The following AP2B1 variants were observed in gnomAD, a reference collection of about 807,000 sequenced individuals.
The protein encoded by AP2B1 is AP-2 complex subunit beta.
Under a neutral mutation model 102.0 loss-of-function variants are expected in AP2B1, and 23 were observed. The observed-to-expected ratio is 0.23, with a 90% CI of 0.16 to 0.32. AP2B1 has a LOEUF of 0.32. Among genes scored for constraint, AP2B1 ranks in the 10% least tolerant of loss-of-function variants. The pLI is 1.00. For synonymous variants in AP2B1, 381 were observed against 421.2 expected (o/e 0.90, Z 1.17); for missense variants, 541 against 1,157.4 (o/e 0.47, Z 7.73).
intron 5 of AP2B1, among the ~76,000 whole-genome samples, chr17:35,609,095 T>C (rs2073779701): frequency 6.6e-6 from 1 of 152,228 alleles, no homozygotes; most frequent in Non-Finnish European, 1.5e-5. Context: ...ACCTTTTTGG[T>C]CTAATGCAAT....
chr17:35,649,513 T>C (rs1355538617), intron 12 of AP2B1, among the ~76,000 whole-genome samples: 1 of 152,116 alleles, frequency 6.6e-6, no homozygotes, highest in Non-Finnish European at 1.5e-5. Context: ...CAGGTGATCC[T>C]CCCGCCTCGG....
intron 18 of AP2B1, among the ~76,000 whole-genome samples, chr17:35,687,012 T>C (rs1470342649): frequency 2.6e-5 from 4 of 152,190 alleles, no homozygotes; most frequent in Non-Finnish European, 5.9e-5. Flanking sequence ...GTCCTGAGAC[T>C]TTTCTCCCTA....
intron 17 of AP2B1, among the ~76,000 whole-genome samples, chr17:35,676,315 T>G (rs527488981): frequency 6.6e-6 from 1 of 152,324 alleles, no homozygotes; most frequent in African/African-American, 2.4e-5. Flanking sequence ...TCCTTGTTCT[T>G]TGTAAGTCAG....
chr17:35,658,523 A>T (rs1436550890), intron 14 of AP2B1, among the ~76,000 whole-genome samples: 1 of 152,178 alleles, frequency 6.6e-6, no homozygotes, highest in Non-Finnish European at 1.5e-5. Context: ...GGTGACCATC[A>T]ATCTATGAAG....
chr17:35,692,815 T>G (rs944192271), intron 18 of AP2B1, among the ~76,000 whole-genome samples: 15 of 152,192 alleles, frequency 9.9e-5, no homozygotes, highest in Admixed American at 9.8e-4. Context: ...TTGGAAGGGA[T>G]GGTCTTTAAT....
chr17:35,662,374 G>A (rs1404979363), intron 14 of AP2B1, among the ~76,000 whole-genome samples: 1 of 152,052 alleles, frequency 6.6e-6, no homozygotes, highest in African/African-American at 2.4e-5. Context: ...CTTTGATGTG[G>A]AGTAAATTCA....
At chr17:35,651,607 G>A (rs577907650) in intron 13 of AP2B1, among the ~76,000 whole-genome samples, 2 of 151,846 alleles carry the variant, frequency 1.3e-5, no homozygotes, top group Non-Finnish European at 2.9e-5. Context: ...ATATATTATT[G>A]TTTAAGTGGT....
At position 35,710,084 on chromosome 17, in the gene AP2B1, T is replaced by C. The variant is rs587746767; in HGVS notation, c.2540-150T>C. 7 of 680,112 alleles carry C rather than the reference T, an allele frequency of 1.0e-5. 1 individual carries two copies. Among genetic ancestry groups the C allele is most frequent in the Middle Eastern group, 6.2e-4 (2 of 3,246 alleles). The allele number at this position is 680,112 out of a possible 1,614,324, so 42.1% of individuals were successfully genotyped here. A position where few individuals can be genotyped will look rare whatever the true frequency, so the allele number is the denominator to read the frequency against. On this transcript the variant is annotated intron_variant, in intron 19 of 21. Transcript: ENST00000610402. ...TTAATTGATCTGAAGTATAGCACTT[T>C]TGTAGAGCTCAGCATTGGCTCCATT...
intron 14 of AP2B1, among the ~76,000 whole-genome samples, chr17:35,663,551 C>T (rs1478304477): frequency 6.6e-6 from 1 of 152,184 alleles, no homozygotes; most frequent in Admixed American, 6.5e-5. Context: ...ACAGTTTCAC[C>T]TAACTGGTCC....
chr17:35,656,628 G>T (rs149416972), intron 13 of AP2B1, among the ~76,000 whole-genome samples: 1 of 152,312 alleles, frequency 6.6e-6, no homozygotes, highest in Non-Finnish European at 1.5e-5. Context: ...GGGTGCGGTG[G>T]CTCACGCCTG....
chr17:35,621,530 G>A (rs2074178378), intron 5 of AP2B1, among the ~76,000 whole-genome samples: 1 of 152,182 alleles, frequency 6.6e-6, no homozygotes, highest in Non-Finnish European at 1.5e-5. Context: ...TCACCATTTG[G>A]CAGTGATCTC....
chr17:35,616,485 A>G (rs2074025790), intron 5 of AP2B1, among the ~76,000 whole-genome samples: 1 of 152,156 alleles, frequency 6.6e-6, no homozygotes, highest in African/African-American at 2.4e-5. Flanking sequence ...CTCATTTTTT[A>G]GAGGAACAAT....
At chr17:35,649,323 C>T (rs2075026410) in intron 12 of AP2B1, among the ~76,000 whole-genome samples, 1 of 151,986 alleles carries the variant, frequency 6.6e-6, no homozygotes, top group Admixed American at 6.6e-5. Flanking sequence ...GGCGAGAGTG[C>T]AGTGAAACAA....
At chr17:35,603,193 A>T (rs1428149997) in intron 3 of AP2B1, among the ~76,000 whole-genome samples, 1 of 152,108 alleles carries the variant, frequency 6.6e-6, no homozygotes, top group Non-Finnish European at 1.5e-5. Context: ...CAGCTATTTC[A>T]TTCCCTTTTT....
At position 35,621,339 on chromosome 17, in the gene AP2B1, C is replaced by G. The variant is rs2074170966; in HGVS notation, c.526-3058C>G. The G allele has an allele frequency of 7.1e-6, 7 of 985,224 alleles. 1 individual carries two copies. In the South Asian group the frequency reaches 2.3e-4, roughly 33 times the overall value. The allele number at this position is 985,224 out of a possible 1,614,324, so 61.0% of individuals were successfully genotyped here. ...GAGTGAGAGAAACTCGGCTTACGGA[C>G]CAGGAAAACTGAGAGTGCTGCCTGG... On this transcript the variant is annotated intron_variant, in intron 5 of 21. Coordinates refer to ENST00000610402, the MANE Select transcript of AP2B1 (RefSeq NM_001030006.2).
At chr17:35,658,653 AATGACTATAAAGATGC>A (rs2075290151) in intron 14 of AP2B1, among the ~76,000 whole-genome samples, 1 of 152,180 alleles carries the variant, frequency 6.6e-6, no homozygotes, top group South Asian at 2.1e-4. Context: ...TTGTCAACCC[AATGACTATAAAGATGC>A]CCAACAACGA....
At chr17:35,605,240 CT>C (rs138677421) in intron 3 of AP2B1, among the ~76,000 whole-genome samples, 551 of 51,850 alleles carry the variant, frequency 0.011, 3 homozygotes, top group African/African-American at 0.021. Context: ...CTTTTCTTTT[CT>C]TTTTTTTTTT....
chr17:35,717,106 C>T, intron 20 of AP2B1, 89 bp from the exon 21 acceptor site: 1 of 1,432,266 alleles, frequency 7.0e-7, no homozygotes, highest in Non-Finnish European at 9.6e-7. Flanking sequence ...GGGAACTGAA[C>T]ACACATGGCT....
In AP2B1 at chr17:35,598,340, G is replaced by C; in HGVS notation, c.143+5G>C. 6.3e-7 allele frequency: 1 copy of C among 1,592,024 alleles called. No individual in the cohort carries two copies. ...GACCGTGGGGAAGGATGTTAGGTAA[G>C]AGTAATCACCCTTGCCATTGATCAC... On this transcript the variant is annotated splice_donor_5th_base_variant and intron_variant, in intron 3 of 21. Transcript: ENST00000610402.
Sources: gnomAD v4.1 joint callset for allele counts (sites outside exome capture counted in the v4.1 genomes callset) on GRCh38, gnomAD v4.1.1 for gene constraint, MANE v1.5 for transcripts, NCBI Gene and HGNC (gene_info 2026-07-23, HGNC 2026-07-21) for gene names.